The following ENTPD4 variants were observed in gnomAD, a reference collection of about 807,000 sequenced individuals.
ENTPD4 encodes ectonucleoside triphosphate diphosphohydrolase 4.
ENTPD4 carries 60 observed loss-of-function variants against 79.1 expected under a neutral mutation model. The ratio of observed to expected loss-of-function variants is 0.76; its 90% confidence interval spans 0.62 to 0.94. The LOEUF is 0.94. Among genes scored for constraint, ENTPD4 ranks in the 40% least tolerant of loss-of-function variants. The pLI is 0.00. For synonymous variants in ENTPD4, 276 were observed against 292.0 expected (o/e 0.95, Z 0.56); for missense variants, 772 against 775.1 (o/e 1.00, Z 0.05).
chr8:23,437,211 T>A lies in ENTPD4; in HGVS notation c.1097A>T (p.Asp366Val), dbSNP rs752796827. The stretch of plus-strand genomic sequence containing the variant: ...TTTAATGTCTAGGGGTAGGCAGGGG[T>A]CCAAGTACGGCATATCAGGAGTCAG... ...TGLTPDMPYL[D>V]PCLPLDIKDE... The change falls in exon 10 of 13, where the codon GAC becomes GTC. Residue 366 changes from aspartate to valine, a missense_variant. By Grantham distance (152) the Asp-to-Val change is radical (BLOSUM62 -3). Transcript: ENST00000358689. 5 of 1,613,990 alleles carry A rather than the reference T, an allele frequency of 3.1e-6. No homozygotes were observed. The Admixed American group carries it at 8.3e-5, about 27-fold the overall frequency.
chr8:23,450,679 T>C (rs1800843696), intron 1 of ENTPD4, among the ~76,000 whole-genome samples: 1 of 152,212 alleles, frequency 6.6e-6, no homozygotes, highest in Admixed American at 6.5e-5. Context: ...CCCCGACTAC[T>C]CTTATGTTTC....
rs34270448 is a variant in ENTPD4, at chr8:23,443,911, G to A, written c.606C>T (p.Pro202=). ...CAGAAAACAGAAAGTCAAAGTGCAC[G>A]GGGATATCGGTCAGAAGGTCTTCCA... The part of the protein sequence containing the change: ...AILEDLLTDI[P]VHFDFLFSDS... Residue 202 remains proline (P), a synonymous_variant, in exon 6 of 13, where the codon CCC becomes CCT. Coordinates refer to ENST00000358689, the MANE Select transcript of ENTPD4 (RefSeq NM_004901.5). 1.2e-4 allele frequency: 200 copies of A among 1,613,580 alleles called. No individual in the cohort carries two copies. In the African/African-American group the frequency reaches 1.4e-3, roughly 12 times the overall value.
In ENTPD4 at chr8:23,432,238, A is replaced by T. The variant is rs1585398227; in HGVS notation, c.*688T>A. Reference sequence around the variant, plus strand: ...AAAAAAGAGGATTATCATTTCAGGCAGTAAGTTTTTTGGTTCTATGAAAGC... The same window carrying T: ...AAAAAAGAGGATTATCATTTCAGGCTGTAAGTTTTTTGGTTCTATGAAAGC... On this transcript the variant is annotated 3_prime_UTR_variant, in exon 13 of 13. Transcript: ENST00000358689. The T allele has an allele frequency of 1.0e-6, 1 of 985,418 alleles. No homozygotes were observed. 61.0% of individuals were successfully genotyped at this position (985,418 alleles called of 1,614,324 possible).
intron 1 of ENTPD4, among the ~76,000 whole-genome samples, chr8:23,452,456 T>C (rs1014338483): frequency 6.6e-6 from 1 of 152,248 alleles, no homozygotes; most frequent in East Asian, 1.9e-4. Context: ...AGTCCGGTGC[T>C]GTCCAATGAG....
chr8:23,429,594 T>C lies in ENTPD4; in HGVS notation c.*3332A>G. On this transcript the variant is annotated 3_prime_UTR_variant, in exon 13 of 13. Coordinates refer to ENST00000358689, the MANE Select transcript of ENTPD4 (RefSeq NM_004901.5). ...TTTCTTGCTAAGTGATACATGCTCC[T>C]TATAAGGAAAACTACTCTGTGTAGG... 1.0e-6 allele frequency: 1 copy of C among 985,454 alleles called. No homozygotes were observed. Among genetic ancestry groups the C allele is most frequent in the Non-Finnish European group, 1.2e-6 (1 of 829,908 alleles). 61.0% of individuals were successfully genotyped at this position (985,454 alleles called of 1,614,324 possible).
chr8:23,431,353 G>C lies in ENTPD4; in HGVS notation c.*1573C>G, dbSNP rs939828121. On this transcript the variant is annotated 3_prime_UTR_variant, in exon 13 of 13. Coordinates refer to ENST00000358689, the MANE Select transcript of ENTPD4 (RefSeq NM_004901.5). ...CAACTACAGGAATTTAACTGTTCTG[G>C]AGTTAGGGAACAGCACACACAGACA... The C allele has an allele frequency of 1.0e-6, 1 of 985,190 alleles. No individual in the cohort carries two copies. Among genetic ancestry groups the C allele is most frequent in the African/African-American group, 1.7e-5 (1 of 57,162 alleles). The allele number at this position is 985,190 out of a possible 1,614,324, so 61.0% of individuals were successfully genotyped here. A position where few individuals can be genotyped will look rare whatever the true frequency, so the allele number is the denominator to read the frequency against.
chr8:23,456,504 T>TC (rs1479676000), intron 1 of ENTPD4, among the ~76,000 whole-genome samples: 1 of 152,204 alleles, frequency 6.6e-6, no homozygotes, highest in African/African-American at 2.4e-5. Flanking sequence ...TTCATTTTTG[T>TC]CTCCTTCCTA....
Position 23,430,420 on chromosome 8 carries a change from C to G in ENTPD4, c.*2506G>C, listed in dbSNP as rs1267868317. On this transcript the variant is annotated 3_prime_UTR_variant, in exon 13 of 13. Transcript: ENST00000358689. ...TACTTCTCTTGTCCATCTTTTCGTG[C>G]CCACAAATGGAAACTACATTCCTGA... The G allele has an allele frequency of 1.0e-6, 1 of 985,274 alleles. No homozygotes were observed. The allele number at this position is 985,274 out of a possible 1,614,324, so 61.0% of individuals were successfully genotyped here. A position where few individuals can be genotyped will look rare whatever the true frequency, so the allele number is the denominator to read the frequency against.
Position 23,430,534 on chromosome 8 carries a change from A to G in ENTPD4, c.*2392T>C. 9.1e-6 allele frequency: 9 copies of G among 984,538 alleles called. No homozygotes were observed. The highest frequency in any genetic ancestry group is 9.6e-6 in the Non-Finnish European group (8 of 829,134). 61.0% of individuals were successfully genotyped at this position (984,538 alleles called of 1,614,324 possible). A position where few individuals can be genotyped will look rare whatever the true frequency, so the allele number is the denominator to read the frequency against. ...ACTTTTTCTGTAAATATTTTAGTAA[A>G]TATTCTAGGCTTTACAGGCCACATA... is the stretch of plus-strand genomic sequence containing the variant. On this transcript the variant is annotated 3_prime_UTR_variant, in exon 13 of 13. Transcript: ENST00000358689.
intron 8 of ENTPD4, among the ~76,000 whole-genome samples, chr8:23,441,005 G>A (rs1225092301): frequency 6.6e-6 from 1 of 152,204 alleles, no homozygotes; most frequent in Non-Finnish European, 1.5e-5. Context: ...AACACAAATG[G>A]AGTAATAAAG....
rs373833962 is a variant in ENTPD4 at position 23,432,945 on chromosome 8, T to G, written c.1832A>C (p.Asn611Thr). ...LWMEEGLPAQNAPGTL is the reference protein window; with the variant it reads ...LWMEEGLPAQTAPGTL Reference sequence around the variant, plus strand: ...GCTGGATCACAAGGTCCCCGGGGCATTCTGGGCGGGAAGGCCCTCCTCCAT... The same window carrying G: ...GCTGGATCACAAGGTCCCCGGGGCAGTCTGGGCGGGAAGGCCCTCCTCCAT... The change falls in exon 13 of 13, where the codon AAT becomes ACT. Residue 611 changes from asparagine to threonine, a missense_variant. By Grantham distance (65) the Asn-to-Thr change is moderately conservative. Transcript: ENST00000358689. The G allele has an allele frequency of 4.3e-5, 69 of 1,607,148 alleles. No individual in the cohort carries two copies. The highest frequency in any genetic ancestry group is 2.0e-4 in the Admixed American group (12 of 58,742).
rs150653551 is a variant in ENTPD4, at chr8:23,437,059, A to G, written c.1249T>C (p.Tyr417His). ...NETQTSLNGV[Y>H]QPPIHFQNSE... ...TTCTGGAAGTGAATTGGGGGCTGGT[A>G]GACCCCATTGAGGGAAGTCTGGGTC... Residue 417 changes from tyrosine (Y) to histidine (H), a missense_variant, in exon 10 of 13, where the codon TAC becomes CAC. By Grantham distance (83) the Tyr-to-His change is moderately conservative (BLOSUM62 2). Transcript: ENST00000358689. 2.6e-4 allele frequency: 423 copies of G among 1,614,214 alleles called. 1 individual carries two copies. In the Middle Eastern group the frequency reaches 4.1e-3, roughly 16 times the overall value.
rs1800732931 is a variant in ENTPD4 at position 23,444,572 on chromosome 8, G to C, written c.447C>G (p.Val149=). The C allele has an allele frequency of 5.6e-6, 9 of 1,613,972 alleles. No homozygotes were observed. Among genetic ancestry groups the C allele is most frequent in the Admixed American group, 1.7e-5 (1 of 60,016 alleles). The change falls in exon 5 of 13, where the codon GTC becomes GTG. Residue 149 remains valine, a synonymous_variant. Coordinates refer to ENST00000358689, the MANE Select transcript of ENTPD4 (RefSeq NM_004901.5). ...TCAAAAGTGGAGAAATGTAATCACT[G>C]ACTTTCTCTGGAGAGGTAGCAAATT... ...ISEFATSPEK[V]SDYISPLLNF... is the part of the protein sequence containing the mutation.
rs565289231 is a variant in ENTPD4, at chr8:23,432,788, G to C, written c.*138C>G. On this transcript the variant is annotated 3_prime_UTR_variant, in exon 13 of 13. Coordinates refer to ENST00000358689, the MANE Select transcript of ENTPD4 (RefSeq NM_004901.5). ...GCTGGGATTACAGGCGTGAGCCACC[G>C]CGCTCGGCCTGCATTTTGTTTTTGT... 13 of 1,436,120 alleles carry C rather than the reference G, an allele frequency of 9.1e-6. No homozygotes were observed. Among genetic ancestry groups the C allele is most frequent in the East Asian group, 2.5e-5 (1 of 39,992 alleles). 89.0% of individuals were successfully genotyped at this position (1,436,120 alleles called of 1,614,324 possible).
Position 23,434,413 on chromosome 8 carries a change from T to C in ENTPD4, c.1526A>G (p.Asn509Ser), listed in dbSNP as rs533080757. 93 of 1,614,164 alleles carry C rather than the reference T, an allele frequency of 5.8e-5. No homozygotes were observed. The South Asian group carries it at 9.1e-4, about 16-fold the overall frequency. The change falls in exon 12 of 13, where the codon AAC becomes AGC. Residue 509 changes from asparagine to serine, a missense_variant. Coordinates refer to ENST00000358689, the MANE Select transcript of ENTPD4 (RefSeq NM_004901.5). ...VFHRGFSFPVNYKSLKTALQV... is the reference protein window; with the variant it reads ...VFHRGFSFPVSYKSLKTALQV... ...CAAGGCAGTCTTTAAGCTTTTATAGTTGACAGGAAACGAAAAGCCCCTATG... is the reference window on the plus strand; with the variant it reads ...CAAGGCAGTCTTTAAGCTTTTATAGCTGACAGGAAACGAAAAGCCCCTATG...
At position 23,430,511 on chromosome 8, in the gene ENTPD4, T is replaced by C. The variant is rs1465915285; in HGVS notation, c.*2415A>G. 3.0e-6 allele frequency: 3 copies of C among 985,152 alleles called. No homozygotes were observed. Among genetic ancestry groups the C allele is most frequent in the Non-Finnish European group, 3.6e-6 (3 of 829,778 alleles). 61.0% of individuals were successfully genotyped at this position (985,152 alleles called of 1,614,324 possible). ...ATTGTTCTCACAAGGACCAGCAAAC[T>C]TTTTCTGTAAATATTTTAGTAAATA... On this transcript the variant is annotated 3_prime_UTR_variant, in exon 13 of 13. Transcript: ENST00000358689.
intron 1 of ENTPD4, among the ~76,000 whole-genome samples, chr8:23,453,582 T>C (rs1800902308): frequency 6.6e-6 from 1 of 152,170 alleles, no homozygotes. Context: ...AGTATTCAGA[T>C]AAATAGAAAT....
chr8:23,447,836 T>G lies in ENTPD4; in HGVS notation c.256A>C (p.Asn86His), dbSNP rs748290197. 4.1e-5 allele frequency: 66 copies of G among 1,614,112 alleles called. No individual in the cohort carries two copies. Among genetic ancestry groups the G allele is most frequent in the Non-Finnish European group, 5.6e-5 (66 of 1,180,042 alleles). ...TCCACCACGATCCCATAGTTCACAT[T>G]GGGGTTATTGGTGTCTGTAGCTTCA... ...DIEATDTNNP[N>H]VNYGIVVDCG... The change falls in exon 4 of 13, where the codon AAT becomes CAT. Residue 86 changes from asparagine (N) to histidine (H), a missense_variant. Transcript: ENST00000358689.
At chr8:23,450,705 G>A (rs967243105) in intron 1 of ENTPD4, among the ~76,000 whole-genome samples, 3 of 152,166 alleles carry the variant, frequency 2.0e-5, no homozygotes, top group Admixed American at 6.5e-5. Flanking sequence ...TCTCTGTCTA[G>A]CCTCATTCTC....
Sources: gnomAD v4.1 joint callset for allele counts (sites outside exome capture counted in the v4.1 genomes callset) on GRCh38, gnomAD v4.1.1 for gene constraint, MANE v1.5 for transcripts, NCBI Gene and HGNC (gene_info 2026-07-23, HGNC 2026-07-21) for gene names.